MGRN1: variants seen among roughly 807,000 people sequenced by gnomAD.
MGRN1 encodes the protein E3 ubiquitin-protein ligase MGRN1.
MGRN1 carries 29 observed loss-of-function variants against 69.2 expected under a neutral mutation model. The observed-to-expected ratio is 0.42, with a 90% CI of 0.31 to 0.57. The LOEUF (loss-of-function observed/expected upper bound fraction) is 0.57. Ranked by LOEUF, MGRN1 falls within the 20% of genes least tolerant of loss-of-function variation. MGRN1 has a pLI of 0.15. For synonymous variants in MGRN1, 470 were observed against 344.2 expected (o/e 1.37, Z -4.04); for missense variants, 998 against 796.2 (o/e 1.25, Z -3.05).
intron 2 of MGRN1, 93 bp from the exon 3 acceptor site, chr16:4,651,859 TCCCAGGGATAC>T (rs2078413673): frequency 2.0e-6 from 2 of 1,012,582 alleles, no homozygotes; most frequent in African/African-American, 1.6e-5. Flanking sequence ...TGGGACTAGA[TCCCAGGGATAC>T]CCTCTGGGGC....
intron 8 of MGRN1, among the ~76,000 whole-genome samples, chr16:4,669,627 G>A (rs766755491): frequency 1.4e-4 from 22 of 152,114 alleles, no homozygotes; most frequent in Non-Finnish European, 2.2e-4. Context: ...AATATTTGCC[G>A]AATGGATGGA....
intron 7 of MGRN1, among the ~76,000 whole-genome samples, chr16:4,666,274 A>G (rs937723330): frequency 6.6e-6 from 1 of 152,118 alleles, no homozygotes; most frequent in African/African-American, 2.4e-5. Context: ...GACTATAGGC[A>G]TGCACCACCA....
intron 16 of MGRN1, chr16:4,688,397 C>T: frequency 3.9e-6 from 4 of 1,017,966 alleles, no homozygotes; most frequent in Non-Finnish European, 4.7e-6. Flanking sequence ...CACCCCTGCA[C>T]CCTGGGTTGA....
chr16:4,679,185 T>A (rs2079121124), intron 11 of MGRN1, among the ~76,000 whole-genome samples: 1 of 152,198 alleles, frequency 6.6e-6, no homozygotes, highest in Non-Finnish European at 1.5e-5. Flanking sequence ...CCTGAGGGAT[T>A]TGCCTCTGAG....
rs79849894 is a variant in MGRN1, at chr16:4,675,910, G to A, written c.956-1553G>A. On this transcript the variant is annotated intron_variant, in intron 10 of 16. Coordinates refer to ENST00000262370, the MANE Select transcript of MGRN1 (RefSeq NM_015246.4). ...AGGGAACAACCTGAATGTTCTCAGG[G>A]TGAAAAAACGACCAGGTCAAAGTGC... is the stretch of plus-strand genomic sequence containing the variant. Among the ~76,000 whole-genome samples the A allele has an allele frequency of 4.2e-3, 642 of 152,200 alleles. 3 individuals are homozygous for A. The highest frequency in any genetic ancestry group is 0.015 in the African/African-American group (615 of 41,532).
At chr16:4,686,361 G>GC in intron 16 of MGRN1, 1 of 1,529,354 alleles carries the variant, frequency 6.5e-7, no homozygotes, top group Non-Finnish European at 8.8e-7. Flanking sequence ...GGAGAGAGGA[G>GC]CCCTCCCCTG....
intron 10 of MGRN1, among the ~76,000 whole-genome samples, chr16:4,675,469 CAGATCACACCTA>C (rs1308941504): frequency 1.3e-5 from 2 of 151,990 alleles, no homozygotes; most frequent in African/African-American, 4.8e-5. Context: ...ACGCTGGTTG[CAGATCACACCTA>C]TAATCCCAGC....
At chr16:4,635,801 A>ATTTT (rs34343082) in intron 1 of MGRN1, among the ~76,000 whole-genome samples, 3 of 125,692 alleles carry the variant, frequency 2.4e-5, no homozygotes, top group African/African-American at 9.6e-5. Flanking sequence ...CGCCCAGCTA[A>ATTTT]TTTTTTTTTT....
At chr16:4,670,051 T>C (rs763872516) in intron 8 of MGRN1, among the ~76,000 whole-genome samples, 60 of 151,934 alleles carry the variant, frequency 3.9e-4, no homozygotes, top group Non-Finnish European at 5.1e-4. Flanking sequence ...ATATTTAATT[T>C]AATTTTAATT....
chr16:4,673,806 G>T (rs936148934), intron 10 of MGRN1, 149 bp downstream of exon 10: 23 of 1,081,194 alleles, frequency 2.1e-5, no homozygotes, highest in Non-Finnish European at 3.0e-5. Context: ...ACGTGGGCGT[G>T]TTGGCTGTCG....
chr16:4,683,297 C>T (rs372614932), intron 15 of MGRN1, 28 bp downstream of exon 15: 26 of 1,612,818 alleles, frequency 1.6e-5, no homozygotes, highest in Non-Finnish European at 1.8e-5. Flanking sequence ...TGGGCACAAA[C>T]CGCATGCAGG....
At chr16:4,650,673 C>T (rs937436807) in intron 2 of MGRN1, 190 bp downstream of exon 2, 10 of 457,216 alleles carry the variant, frequency 2.2e-5, no homozygotes, top group Non-Finnish European at 3.5e-5. Flanking sequence ...TGGTGCTGCC[C>T]CCTAGAGGCC....
At chr16:4,646,202 G>A (rs1002044079) in intron 1 of MGRN1, among the ~76,000 whole-genome samples, 54 of 152,104 alleles carry the variant, frequency 3.6e-4, no homozygotes, top group African/African-American at 1.2e-3. Flanking sequence ...AGGCAAAGGT[G>A]GGAGGATTGC....
chr16:4,671,573 C>A, intron 9 of MGRN1, 114 bp downstream of exon 9: 2 of 864,624 alleles, frequency 2.3e-6, no homozygotes, highest in East Asian at 2.5e-5. Flanking sequence ...GTCCTAGACC[C>A]GCTAGACAAC....
At chr16:4,681,952 G>A (rs2079191745) in intron 13 of MGRN1, among the ~76,000 whole-genome samples, 176 bp downstream of exon 13, 3 of 152,250 alleles carry the variant, frequency 2.0e-5, no homozygotes, top group South Asian at 4.1e-4. Flanking sequence ...GGCAAAGAAC[G>A]CAGCAGACGA....
chr16:4,679,073 C>T (rs1567231946), intron 11 of MGRN1, among the ~76,000 whole-genome samples: 1 of 152,178 alleles, frequency 6.6e-6, no homozygotes, highest in Admixed American at 6.5e-5. Context: ...AGGCCCCTAC[C>T]ATCGTGGGGC....
At chr16:4,646,510 C>T (rs2078277745) in intron 1 of MGRN1, among the ~76,000 whole-genome samples, 1 of 152,108 alleles carries the variant, frequency 6.6e-6, no homozygotes, top group Non-Finnish European at 1.5e-5. Context: ...ACAGGCCCGG[C>T]ATGCCGGTGC....
At chr16:4,650,948 A>G (rs929891841) in intron 2 of MGRN1, 1 of 152,412 alleles carries the variant, frequency 6.6e-6, no homozygotes. Context: ...CTCTACTGAA[A>G]AAAAAGAAAA....
chr16:4,684,531 A>G (rs2079263376), intron 16 of MGRN1, among the ~76,000 whole-genome samples: 1 of 152,232 alleles, frequency 6.6e-6, no homozygotes. Context: ...ATCCCAGGCC[A>G]GGCACAGAGG....
Sources: allele counts gnomAD v4.1 joint callset (sites outside exome capture counted in the v4.1 genomes callset), GRCh38; gene constraint gnomAD v4.1.1; transcripts MANE v1.5; gene names NCBI Gene and HGNC (gene_info 2026-07-23, HGNC 2026-07-21).